The following YIPF7 variants were observed in gnomAD, a reference collection of about 807,000 sequenced individuals.
YIPF7 encodes protein YIPF7.
YIPF7 carries 35 observed loss-of-function variants against 27.2 expected under a neutral mutation model. The ratio of observed to expected loss-of-function variants is 1.29; its 90% CI spans 0.98 to 1.70. The LOEUF is 1.70. Ranked by LOEUF, YIPF7 falls within the 40% of genes most tolerant of loss-of-function variation. The pLI, the probability that YIPF7 is intolerant of heterozygous loss-of-function variation, is 0.00. For synonymous variants in YIPF7, 137 were observed against 110.4 expected, an observed-to-expected ratio of 1.24 and a Z score of -1.51; for missense variants, 358 against 303.7, an observed-to-expected ratio of 1.18 and a Z score of -1.33.
chr4:44,659,621 C>A (rs7679686), intron 2 of YIPF7, among the ~76,000 whole-genome samples: 82,879 of 151,902 alleles, frequency 0.55, 23,567 homozygotes, highest in Non-Finnish European at 0.64. Flanking sequence ...AGCAAAGATA[C>A]AATAAAAATA....
At chr4:44,628,817 G>A (rs1392229297) in intron 4 of YIPF7, among the ~76,000 whole-genome samples, 1 of 152,088 alleles carries the variant, frequency 6.6e-6, no homozygotes, top group Non-Finnish European at 1.5e-5. Flanking sequence ...AAGACATATA[G>A]TGAAGTCAGG....
At chr4:44,660,728 T>C (rs1714025641) in intron 1 of YIPF7, 1 of 151,880 alleles carries the variant, frequency 6.6e-6, no homozygotes, top group African/African-American at 2.4e-5. Flanking sequence ...GAATTGGTTT[T>C]TGAAAATGTT....
Position 44,660,123 on chromosome 4 carries a change from A to AAAAAAAAAAAAAAAC in YIPF7, c.-2+325_-2+326insGTTTTTTTTTTTTTT, listed in dbSNP as rs1560332839. 7.5e-5 allele frequency among the ~76,000 whole-genome samples: 11 copies of AAAAAAAAAAAAAAAC among 145,826 alleles called. 1 individual carries two copies. The highest frequency in any genetic ancestry group is 1.5e-4 in the Non-Finnish European group (10 of 65,762). ...AGCAAGACTCTGTCTCAAAAAAAAAAAAAAAAAAAAAAACGAACCTTACAG... is the reference window on the plus strand; with the variant it reads ...AGCAAGACTCTGTCTCAAAAAAAAAAAAAAAAAAAAAAAACAAAAAAAAAAAAACGAACCTTACAG... On this transcript the variant is annotated intron_variant, in intron 2 of 2. Transcript: ENST00000508947.
upstream of YIPF7, among the ~76,000 whole-genome samples, chr4:44,655,788 T>C (rs192899572): frequency 6.6e-6 from 1 of 152,122 alleles, no homozygotes; most frequent in Non-Finnish European, 1.5e-5. Context: ...TTCCTGATCA[T>C]CTGCCTTTTA....
At chr4:44,655,123 T>G (rs1263292874), upstream of YIPF7, among the ~76,000 whole-genome samples, 1 of 152,072 alleles carries the variant, frequency 6.6e-6, no homozygotes, top group Non-Finnish European at 1.5e-5. Context: ...GGCAACAATT[T>G]GCCATATACC....
intron 4 of YIPF7, among the ~76,000 whole-genome samples, chr4:44,627,682 A>C (rs1712722756): frequency 6.6e-6 from 1 of 152,204 alleles, no homozygotes; most frequent in South Asian, 2.1e-4. Context: ...AAAGACATTC[A>C]GAAAATACGT....
Position 44,632,743 on chromosome 4 carries a change from C to T in YIPF7, c.280+3179G>A, listed in dbSNP as rs567603806. ...ATATCTGAAAAAGACATACCCTGGC[C>T]TTTTTCATATCTTTAGACAAAAGAG... On this transcript the variant is annotated intron_variant, in intron 3 of 5. Coordinates refer to ENST00000415895, the MANE Select transcript of YIPF7 (RefSeq NM_182592.3). Among the ~76,000 whole-genome samples the T allele has an allele frequency of 1.1e-4, 17 of 152,154 alleles. No individual in the cohort carries two copies. In the East Asian group the frequency reaches 2.5e-3, roughly 22 times the overall value.
Position 44,622,188 on chromosome 4 carries a change from G to C in YIPF7, c.*226C>G. Reference sequence around the variant, plus strand: ...TCAGTACAGCAACTGTATCCCTTTTGATTTTAAGTATTTTGAAATGTTTTA... The same window carrying C: ...TCAGTACAGCAACTGTATCCCTTTTCATTTTAAGTATTTTGAAATGTTTTA... On this transcript the variant is annotated 3_prime_UTR_variant, in exon 6 of 6. Transcript: ENST00000415895. 3 of 544,566 alleles carry C rather than the reference G, an allele frequency of 5.5e-6. No individual in the cohort carries two copies. 33.7% of individuals were successfully genotyped at this position (544,566 alleles called of 1,614,324 possible). A position where few individuals can be genotyped will look rare whatever the true frequency, so the allele number is the denominator to read the frequency against.
chr4:44,627,969 GTTCT>G (rs1712733825), intron 4 of YIPF7, among the ~76,000 whole-genome samples: 1 of 152,136 alleles, frequency 6.6e-6, no homozygotes, highest in Admixed American at 6.5e-5. Flanking sequence ...AATTGATGCT[GTTCT>G]TTAAGGGATA....
At chr4:44,634,777 C>T (rs1007326189) in intron 3 of YIPF7, among the ~76,000 whole-genome samples, 5 of 151,932 alleles carry the variant, frequency 3.3e-5, no homozygotes, top group Admixed American at 2.0e-4. Context: ...TATTTTTATT[C>T]TTATGTTTCT....
At chr4:44,635,592 G>T (rs1713087214) in intron 3 of YIPF7, among the ~76,000 whole-genome samples, 2 of 152,110 alleles carry the variant, frequency 1.3e-5, no homozygotes, top group African/African-American at 4.8e-5. Context: ...GGGTGGGAAG[G>T]GTGGTCACTT....
At chr4:44,661,019 A>T (rs1195766389) in intron 1 of YIPF7, among the ~76,000 whole-genome samples, 2 of 152,212 alleles carry the variant, frequency 1.3e-5, no homozygotes, top group African/African-American at 4.8e-5. Context: ...AAGGAGACTA[A>T]AATACAAAAA....
intron 2 of YIPF7, among the ~76,000 whole-genome samples, chr4:44,647,753 C>T (rs1449129798): frequency 6.6e-6 from 1 of 152,094 alleles, no homozygotes; most frequent in African/African-American, 2.4e-5. Flanking sequence ...CATCTATTTG[C>T]TTACACCTGT....
intron 5 of YIPF7, among the ~76,000 whole-genome samples, chr4:44,623,105 G>A (rs986985810): frequency 3.9e-5 from 6 of 152,200 alleles, no homozygotes; most frequent in African/African-American, 1.2e-4. Context: ...GCACATATGT[G>A]TGTGGCTTCC....
intron 3 of YIPF7, among the ~76,000 whole-genome samples, chr4:44,633,255 G>A (rs1473172267): frequency 6.6e-6 from 1 of 151,980 alleles, no homozygotes; most frequent in Non-Finnish European, 1.5e-5. Flanking sequence ...TGTATTTTGG[G>A]GAAATTAACT....
intron 4 of YIPF7, among the ~76,000 whole-genome samples, chr4:44,627,739 A>G (rs1428985905): frequency 6.6e-6 from 1 of 152,204 alleles, no homozygotes; most frequent in East Asian, 1.9e-4. Context: ...GAACCTGAAG[A>G]GCCACTCAAA....
chr4:44,627,460 T>A (rs1486208226), intron 4 of YIPF7, among the ~76,000 whole-genome samples: 2 of 152,174 alleles, frequency 1.3e-5, no homozygotes, highest in African/African-American at 4.8e-5. Context: ...CTTTCTCTAG[T>A]AAAATTCCTG....
intron 1 of YIPF7, among the ~76,000 whole-genome samples, chr4:44,650,665 T>C (rs952676203): frequency 6.6e-6 from 1 of 152,242 alleles, no homozygotes; most frequent in African/African-American, 2.4e-5. Context: ...TATTTTCGTT[T>C]TTCTTTTGCT....
At chr4:44,635,475 A>C in intron 3 of YIPF7, among the ~76,000 whole-genome samples, 1 of 152,174 alleles carries the variant, frequency 6.6e-6, no homozygotes. Flanking sequence ...GCTTGTCTCC[A>C]TGTCAACAAT....
Sources: allele counts gnomAD v4.1 joint callset (sites outside exome capture counted in the v4.1 genomes callset), GRCh38; gene constraint gnomAD v4.1.1; transcripts MANE v1.5; gene names NCBI Gene and HGNC (gene_info 2026-07-23, HGNC 2026-07-21).